The following HMGA2 variants were observed in gnomAD, a reference collection of about 807,000 sequenced individuals.
HMGA2 encodes the protein high mobility group protein HMGI-C.
Under a neutral mutation model 19.1 loss-of-function variants are expected in HMGA2, and 8 were observed. The ratio of observed to expected loss-of-function variants is 0.42; its 90% CI spans 0.25 to 0.76. HMGA2 has a LOEUF of 0.76. HMGA2 is among the 30% of genes least tolerant of loss of function. The pLI is 0.28. For missense variants in HMGA2, 109 were observed against 136.3 expected (o/e 0.80, Z 1.00); for synonymous variants, 60 against 48.8 (o/e 1.23, Z -0.96).
chr12:65,875,112 T>A (rs76297971), intron 3 of HMGA2, among the ~76,000 whole-genome samples: 24,469 of 152,068 alleles, frequency 0.16, 3,221 homozygotes, highest in African/African-American at 0.35. Flanking sequence ...CTTATATTTA[T>A]TAGAGTTAAT....
chr12:65,881,865 C>T (rs535757983), intron 3 of HMGA2: 4 of 702,964 alleles, frequency 5.7e-6, no homozygotes, highest in Middle Eastern at 2.3e-4. Context: ...TTCCCTTGCA[C>T]TCAGAGGTGG....
intron 3 of HMGA2, among the ~76,000 whole-genome samples, chr12:65,888,509 C>T (rs1433567242): frequency 6.9e-6 from 1 of 145,878 alleles, no homozygotes; most frequent in Non-Finnish European, 1.5e-5. Context: ...ACCTTTGACT[C>T]ATAGACTCAT....
At chr12:65,945,999 C>T (rs1876250724) in intron 3 of HMGA2, among the ~76,000 whole-genome samples, 1 of 152,130 alleles carries the variant, frequency 6.6e-6, no homozygotes, top group African/African-American at 2.4e-5. Flanking sequence ...AAACAAATAT[C>T]TTTTGCGTAA....
At chr12:65,866,144 T>A (rs1872398226) in intron 3 of HMGA2, among the ~76,000 whole-genome samples, 1 of 152,140 alleles carries the variant, frequency 6.6e-6, no homozygotes, top group South Asian at 2.1e-4. Flanking sequence ...TAAGGAAACA[T>A]CTGTTCACTC....
intron 3 of HMGA2, among the ~76,000 whole-genome samples, chr12:65,871,799 A>G (rs1374656519): frequency 1.3e-5 from 2 of 152,196 alleles, no homozygotes; most frequent in African/African-American, 2.4e-5. Context: ...ACTTCTGCCC[A>G]TACTTTACTC....
At chr12:65,936,424 C>A (rs917159701) in intron 3 of HMGA2, among the ~76,000 whole-genome samples, 5 of 152,112 alleles carry the variant, frequency 3.3e-5, no homozygotes, top group Non-Finnish European at 2.9e-5. Flanking sequence ...ATAAAAAATC[C>A]TGTTCTGGTT....
intron 3 of HMGA2, among the ~76,000 whole-genome samples, chr12:65,876,607 C>G (rs533806682): frequency 1.3e-5 from 2 of 152,174 alleles, no homozygotes; most frequent in South Asian, 4.1e-4. Flanking sequence ...TTATAAAGCA[C>G]GCAAAACAAT....
intron 3 of HMGA2, among the ~76,000 whole-genome samples, chr12:65,921,730 A>G (rs916770633): frequency 6.6e-6 from 1 of 152,260 alleles, no homozygotes; most frequent in African/African-American, 2.4e-5. Context: ...TCTCCAGACC[A>G]TGTCAGAGAC....
chr12:65,913,017 T>C (rs759811480), intron 3 of HMGA2, among the ~76,000 whole-genome samples: 72 of 152,344 alleles, frequency 4.7e-4, no homozygotes, highest in Non-Finnish European at 2.2e-4. Flanking sequence ...AAAAAATCTC[T>C]ATTGTTTGAA....
chr12:65,949,542 G>A (rs1316431135), intron 3 of HMGA2, among the ~76,000 whole-genome samples: 4 of 152,226 alleles, frequency 2.6e-5, no homozygotes, highest in Non-Finnish European at 4.4e-5. Context: ...ATTCAGACAT[G>A]AGAGTGAGGA....
At chr12:65,884,096 C>T (rs1873558403) in intron 3 of HMGA2, among the ~76,000 whole-genome samples, 1 of 152,120 alleles carries the variant, frequency 6.6e-6, no homozygotes, top group South Asian at 2.1e-4. Context: ...GAACTCCTGA[C>T]CTCAAGTGAT....
chr12:65,928,759 A>G (rs1399521516), intron 3 of HMGA2, among the ~76,000 whole-genome samples: 10 of 152,188 alleles, frequency 6.6e-5, no homozygotes, highest in Non-Finnish European at 1.0e-4. Context: ...GATGATCAAA[A>G]TGTCAGTAGG....
intron 3 of HMGA2, among the ~76,000 whole-genome samples, chr12:65,838,962 C>A (rs192507120): frequency 1.7e-5 from 2 of 120,902 alleles, no homozygotes; most frequent in Non-Finnish European, 3.2e-5. Flanking sequence ...AACTTTTTAA[C>A]GTTTTTCTTT....
intron 3 of HMGA2, among the ~76,000 whole-genome samples, chr12:65,890,300 T>C (rs1020012308): frequency 6.6e-6 from 1 of 152,176 alleles, no homozygotes; most frequent in Non-Finnish European, 1.5e-5. Flanking sequence ...CGTCCAGCCC[T>C]TAGCACAGCA....
intron 4 of HMGA2, chr12:65,957,672 C>G (rs1876641813): frequency 6.6e-6 from 1 of 152,058 alleles, no homozygotes; most frequent in Admixed American, 6.6e-5. Flanking sequence ...AATGATTTCC[C>G]TATTTGAAAA....
At chr12:65,834,606 CCCTCCGTT>C (rs1369925797) in intron 2 of HMGA2, among the ~76,000 whole-genome samples, 1 of 148,038 alleles carries the variant, frequency 6.8e-6, no homozygotes. Context: ...CTCCCTCCCT[CCCTCCGTT>C]CCTCCCTGCC....
chr12:65,911,423 C>T (rs1229278904), intron 3 of HMGA2, among the ~76,000 whole-genome samples: 1 of 152,066 alleles, frequency 6.6e-6, no homozygotes, highest in Non-Finnish European at 1.5e-5. Flanking sequence ...TTCAGTCTTC[C>T]CTGGAAACAG....
chr12:65,872,851 T>C (rs1872777807), intron 3 of HMGA2, among the ~76,000 whole-genome samples: 1 of 152,248 alleles, frequency 6.6e-6, no homozygotes, highest in Non-Finnish European at 1.5e-5. Flanking sequence ...TCTGAACTTC[T>C]TATGTTGATT....
intron 3 of HMGA2, among the ~76,000 whole-genome samples, chr12:65,951,176 G>A (rs1034488795): frequency 3.3e-5 from 5 of 152,072 alleles, no homozygotes; most frequent in Non-Finnish European, 7.4e-5. Flanking sequence ...CCATCCGTCC[G>A]CCTCTGCCTC....
Sources: gnomAD v4.1 joint callset for allele counts (sites outside exome capture counted in the v4.1 genomes callset) on GRCh38, gnomAD v4.1.1 for gene constraint, MANE v1.5 for transcripts, NCBI Gene and HGNC (gene_info 2026-07-23, HGNC 2026-07-21) for gene names.